The following FNDC1 variants were observed in gnomAD, a reference collection of about 807,000 sequenced individuals.
The protein encoded by FNDC1 is fibronectin type III domain containing 1.
In FNDC1, 96 loss-of-function variants were observed where a neutral mutation model predicts 168.0. The observed-to-expected ratio is 0.57, with a 90% CI of 0.48 to 0.68. The LOEUF is 0.68. FNDC1 is among the 30% of genes least tolerant of loss of function. The probability of loss-of-function intolerance (pLI) is 0.00; values close to 1 mark genes in which losing one functional copy is unlikely to be tolerated. For synonymous variants in FNDC1, 1,099 were observed against 1,025.9 expected, an observed-to-expected ratio of 1.07 and a Z score of -1.36; for missense variants, 2,587 against 2,482.1, an observed-to-expected ratio of 1.04 and a Z score of -0.90.
At chr6:159,257,108 C>T (rs1307680868) in intron 18 of FNDC1, among the ~76,000 whole-genome samples, 9 of 152,310 alleles carry the variant, frequency 5.9e-5, no homozygotes, top group African/African-American at 1.2e-4. Context: ...GTAGACTAGG[C>T]GTGGCTGGCC....
rs375266642 is a variant in FNDC1 at position 159,234,035 on chromosome 6, G to A, written c.3523G>A (p.Val1175Ile). The A allele has an allele frequency of 1.2e-6, 2 of 1,611,788 alleles. No homozygotes were observed. The highest frequency in any genetic ancestry group is 1.7e-6 in the Non-Finnish European group (2 of 1,179,300). The change falls in exon 11 of 23, where the codon GTC becomes ATC. Residue 1175 changes from valine (V) to isoleucine (I), a missense_variant. Coordinates refer to ENST00000297267, the MANE Select transcript of FNDC1 (RefSeq NM_032532.3). ...RPLSSKSQQS[V>I]SAEDDEEEDA... ...CCTGTCCTCCAAGTCCCAGCAGTCGGTCTCAGCCGAGGACGACGAGGAGGA... is the reference window on the plus strand; with the variant it reads ...CCTGTCCTCCAAGTCCCAGCAGTCGATCTCAGCCGAGGACGACGAGGAGGA...
intron 1 of FNDC1, among the ~76,000 whole-genome samples, chr6:159,189,645 C>G (rs1283141028): frequency 6.6e-6 from 1 of 152,212 alleles, no homozygotes; most frequent in Non-Finnish European, 1.5e-5. Context: ...GGAACTCTCA[C>G]CCCTCCTGGG....
intron 4 of FNDC1, among the ~76,000 whole-genome samples, chr6:159,202,010 G>A (rs1267647852): frequency 6.6e-6 from 1 of 152,186 alleles, no homozygotes; most frequent in Non-Finnish European, 1.5e-5. Context: ...TGGGGACCAG[G>A]GATCAGACAG....
At chr6:159,269,716 T>A (rs1452363154) in intron 22 of FNDC1, among the ~76,000 whole-genome samples, 1 of 152,068 alleles carries the variant, frequency 6.6e-6, no homozygotes, top group Non-Finnish European at 1.5e-5. Flanking sequence ...GCAGGGTAGG[T>A]TGTCAGGTTG....
chr6:159,230,695 T>C (rs542477709), intron 10 of FNDC1, among the ~76,000 whole-genome samples: 1 of 152,330 alleles, frequency 6.6e-6, no homozygotes, highest in East Asian at 1.9e-4. Context: ...TTTTGGACCA[T>C]GTTTTCTTTT....
intron 14 of FNDC1, among the ~76,000 whole-genome samples, chr6:159,242,242 A>G (rs1562305698): frequency 6.6e-6 from 1 of 152,220 alleles, no homozygotes; most frequent in Non-Finnish European, 1.5e-5. Context: ...ACAGAAAACT[A>G]AACACCGCAT....
chr6:159,234,061 G>A lies in FNDC1; in HGVS notation c.3549G>A (p.Glu1183=), dbSNP rs1583896204. 4 of 1,612,586 alleles carry A rather than the reference G, an allele frequency of 2.5e-6. No individual in the cohort carries two copies. Among genetic ancestry groups the A allele is most frequent in the East Asian group, 4.5e-5 (2 of 44,850 alleles). Residue 1183 remains glutamate, a synonymous_variant, in exon 11 of 23, where the codon GAG becomes GAA. Coordinates refer to ENST00000297267, the MANE Select transcript of FNDC1 (RefSeq NM_032532.3). ...TCTCAGCCGAGGACGACGAGGAGGA[G>A]GACGCGGGATTTTTTAAAGGCGGGA... ...QSVSAEDDEE[E]DAGFFKGGKE...
rs1453883880 is a variant in FNDC1 at position 159,233,107 on chromosome 6, T to A, written c.2595T>A (p.Ser865=). 3 of 1,601,050 alleles carry A rather than the reference T, an allele frequency of 1.9e-6. No homozygotes were observed. The East Asian group carries it at 6.8e-5, about 36-fold the overall frequency. Residue 865 remains serine (S), a synonymous_variant, in exon 11 of 23, where the codon TCT becomes TCA. Coordinates refer to ENST00000297267, the MANE Select transcript of FNDC1 (RefSeq NM_032532.3). This position sits in a 1 kb window ranked among gnomAD's most constrained non-coding sequence, Gnocchi z 4.6. ...SRAHPRVPSH[S]DSHPKLSSGI... is the part of the protein sequence containing the mutation. ...CCCACCCCAGGGTTCCCTCTCACTC[T>A]GATTCCCACCCTAAGCTTAGCTCAG...
intron 19 of FNDC1, among the ~76,000 whole-genome samples, chr6:159,262,615 A>G (rs1278407848): frequency 1.3e-5 from 2 of 152,252 alleles, no homozygotes; most frequent in Admixed American, 6.5e-5. Context: ...ATTCAAATCC[A>G]AAAAGCTATC....
At chr6:159,248,925 C>G (rs1777194848) in intron 15 of FNDC1, 114 bp from the exon 16 acceptor site, 8 of 905,464 alleles carry the variant, frequency 8.8e-6, no homozygotes, top group Admixed American at 3.0e-5. Flanking sequence ...GTGTGTGTGT[C>G]TGTCTGTCTG....
chr6:159,270,620 A>G (rs1777724931), intron 22 of FNDC1, among the ~76,000 whole-genome samples: 2 of 152,164 alleles, frequency 1.3e-5, no homozygotes, highest in African/African-American at 2.4e-5. Context: ...GTGTGAGAGC[A>G]GTTATTGAGT....
intron 5 of FNDC1, among the ~76,000 whole-genome samples, chr6:159,217,233 G>A (rs1461774363): frequency 1.3e-5 from 2 of 152,192 alleles, no homozygotes; most frequent in African/African-American, 2.4e-5. Flanking sequence ...GAGAGATGCC[G>A]GCCTGCACAG....
intron 1 of FNDC1, among the ~76,000 whole-genome samples, chr6:159,187,912 T>A (rs545007657): frequency 6.6e-6 from 1 of 152,356 alleles, no homozygotes; most frequent in South Asian, 2.1e-4. Context: ...CTAGTCTCTA[T>A]GTCGTATATC....
Position 159,233,394 on chromosome 6 carries a change from A to T in FNDC1, c.2882A>T (p.Glu961Val). ...DVQQSTDADT[E>V]GHSPKAQPGS... ...CAACAGAGCACAGACGCGGACACGG[A>T]GGGTCATTCTCCCAAAGCACAGCCA... is the stretch of plus-strand genomic sequence containing the variant. The change falls in exon 11 of 23, where the codon GAG becomes GTG. Residue 961 changes from glutamate to valine, a missense_variant. Physicochemically the swap from Glu to Val is moderately radical, Grantham distance 121. Transcript: ENST00000297267. This position sits in a 1 kb window ranked among gnomAD's most constrained non-coding sequence, Gnocchi z 4.6. 1 of 1,613,454 alleles carries T rather than the reference A, an allele frequency of 6.2e-7. No homozygotes were observed. Among genetic ancestry groups the T allele is most frequent in the Non-Finnish European group, 8.5e-7 (1 of 1,179,776 alleles).
At chr6:159,224,183 C>T (rs1160623064) in intron 7 of FNDC1, among the ~76,000 whole-genome samples, 1 of 152,218 alleles carries the variant, frequency 6.6e-6, no homozygotes, top group Non-Finnish European at 1.5e-5. Context: ...ACCTTATCTT[C>T]TCTTAAACCA....
intron 22 of FNDC1, among the ~76,000 whole-genome samples, chr6:159,268,926 T>A (rs1479496634): frequency 6.6e-6 from 1 of 151,738 alleles, no homozygotes; most frequent in Non-Finnish European, 1.5e-5. Context: ...TGCTTGTCTA[T>A]CTCTGTATCC....
chr6:159,180,782 A>G (rs750149553), intron 1 of FNDC1, among the ~76,000 whole-genome samples: 1 of 152,084 alleles, frequency 6.6e-6, no homozygotes, highest in Non-Finnish European at 1.5e-5. Context: ...GGCTTCCAGC[A>G]TTATCCAAGT....
intron 11 of FNDC1, among the ~76,000 whole-genome samples, chr6:159,234,819 T>G (rs984679093): frequency 1.3e-5 from 2 of 152,238 alleles, no homozygotes; most frequent in African/African-American, 2.4e-5. Context: ...CTACATTGCC[T>G]CTTTGAATTC....
chr6:159,255,057 C>T (rs571129682), intron 17 of FNDC1, among the ~76,000 whole-genome samples: 6 of 152,204 alleles, frequency 3.9e-5, no homozygotes, highest in Non-Finnish European at 8.8e-5. Flanking sequence ...CCAATCCATT[C>T]GGCATTCTGC....
Sources: gnomAD v4.1 joint callset for allele counts (sites outside exome capture counted in the v4.1 genomes callset) on GRCh38, gnomAD v4.1.1 for gene constraint, Gnocchi (gnomAD v3.1) non-coding constraint, MANE v1.5 for transcripts, NCBI Gene and HGNC (gene_info 2026-07-23, HGNC 2026-07-21) for gene names.